Variants in PLA2G4C observed in about 807,000 individuals in gnomAD.
The protein encoded by PLA2G4C is phospholipase A2 group IVC, also known as cytosolic phospholipase A2 gamma.
Under a neutral mutation model 73.8 loss-of-function variants are expected in PLA2G4C, and 64 were observed. That is an observed-to-expected ratio of 0.87 (90% CI 0.71 to 1.07). The LOEUF is 1.07. PLA2G4C is among the 50% of genes least tolerant of loss of function. The pLI is 0.00. For synonymous variants in PLA2G4C, 254 were observed against 252.1 expected, an observed-to-expected ratio of 1.01 and a Z score of -0.07; for missense variants, 622 against 665.4, an observed-to-expected ratio of 0.93 and a Z score of 0.72.
intron 13 of PLA2G4C, among the ~76,000 whole-genome samples, chr19:48,067,236 C>T (rs981606208): frequency 9.9e-5 from 15 of 151,468 alleles, no homozygotes; most frequent in Middle Eastern, 3.4e-3. Flanking sequence ...GGGATGATCG[C>T]GGCTCACTGC....
chr19:48,095,156 A>C (rs1342367295), intron 7 of PLA2G4C, among the ~76,000 whole-genome samples: 2 of 152,208 alleles, frequency 1.3e-5, no homozygotes, highest in East Asian at 3.9e-4. Flanking sequence ...CCAAAGCACC[A>C]TGTAATCCCA....
chr19:48,068,328 G>C (rs548591928), intron 12 of PLA2G4C, among the ~76,000 whole-genome samples: 36,585 of 140,740 alleles, frequency 0.26, 5,384 homozygotes, highest in Non-Finnish European at 0.33. Context: ...AAAAAAAAGT[G>C]GGGGGGTCAT....
chr19:48,084,040 T>TTGTGTGTGTG (rs71181645), intron 10 of PLA2G4C, among the ~76,000 whole-genome samples: 6,418 of 139,132 alleles, frequency 0.046, 233 homozygotes, highest in East Asian at 0.14. Flanking sequence ...AATGCCAATT[T>TTGTGTGTGTG]TGTGTGTGTG....
At chr19:48,110,363 T>TAAATA (rs796485535) in intron 1 of PLA2G4C, 124 bp downstream of exon 1, 24 of 604,648 alleles carry the variant, frequency 4.0e-5, no homozygotes, top group South Asian at 3.0e-4. Flanking sequence ...AATAAATAAA[T>TAAATA]AAATAAAATA....
At position 48,099,685 on chromosome 19, in the gene PLA2G4C, T is replaced by A. The variant is rs374005017; in HGVS notation, c.433A>T (p.Lys145Ter). 3.7e-6 allele frequency: 6 copies of A among 1,613,482 alleles called. No individual in the cohort carries two copies. The East Asian group carries it at 1.3e-4, about 36-fold the overall frequency. ...TDFWAYMVIS[K>*]QTRELPESHL... ...GAATGACTTACTTCTCTGGTTTGCT[T>A]AGAGATAACCATGTAGGCCCAGAAG... The change falls in exon 5 of 17, where the codon AAG becomes TAG. Residue 145 changes from lysine (K) to a stop codon, truncating the protein, a stop_gained. Coordinates refer to ENST00000599921, the MANE Select transcript of PLA2G4C (RefSeq NM_003706.3). LOFTEE classifies it high-confidence loss of function.
At chr19:48,096,236 C>A (rs1348464310) in intron 6 of PLA2G4C, among the ~76,000 whole-genome samples, 1 of 152,130 alleles carries the variant, frequency 6.6e-6, no homozygotes, top group African/African-American at 2.4e-5. Flanking sequence ...ACGGAGTCAG[C>A]TGTATCTGCT....
At chr19:48,090,101 C>A in intron 8 of PLA2G4C, 1 of 449,986 alleles carries the variant, frequency 2.2e-6, no homozygotes, top group Non-Finnish European at 4.0e-6. Flanking sequence ...AGGCAGAAAC[C>A]GAGGCACAGA....
chr19:48,089,272 C>T (rs919090228), intron 8 of PLA2G4C, among the ~76,000 whole-genome samples: 1 of 152,034 alleles, frequency 6.6e-6, no homozygotes, highest in Non-Finnish European at 1.5e-5. Flanking sequence ...ACCAAAAATA[C>T]AAAAATTAGC....
At chr19:48,059,676 C>T (rs1968092650) in intron 14 of PLA2G4C, among the ~76,000 whole-genome samples, 1 of 151,988 alleles carries the variant, frequency 6.6e-6, no homozygotes, top group Non-Finnish European at 1.5e-5. Context: ...GTTTTTTGGC[C>T]TTTGGACCCT....
At chr19:48,052,541 G>A (rs1277834096) in intron 16 of PLA2G4C, among the ~76,000 whole-genome samples, 4 of 151,960 alleles carry the variant, frequency 2.6e-5, no homozygotes, top group East Asian at 3.9e-4. Context: ...TTAAGCCTTC[G>A]GAACTGTGAG....
At chr19:48,082,457 AAATT>A (rs1385073438) in intron 10 of PLA2G4C, among the ~76,000 whole-genome samples, 1 of 151,216 alleles carries the variant, frequency 6.6e-6, no homozygotes, top group Non-Finnish European at 1.5e-5. Flanking sequence ...GTCAATAAAT[AAATT>A]TTGTCTGCTT....
chr19:48,089,722 G>T (rs955939389), intron 8 of PLA2G4C, among the ~76,000 whole-genome samples: 5 of 152,296 alleles, frequency 3.3e-5, no homozygotes, highest in African/African-American at 1.2e-4. Context: ...TTTCCAGAGT[G>T]AGCAGTGCAG....
chr19:48,067,349 G>A (rs1376669062), intron 13 of PLA2G4C, among the ~76,000 whole-genome samples: 1 of 151,874 alleles, frequency 6.6e-6, no homozygotes, highest in East Asian at 1.9e-4. Flanking sequence ...TGTATTTTTA[G>A]TAGGGACAGG....
At chr19:48,092,304 C>T (rs554128556) in intron 7 of PLA2G4C, among the ~76,000 whole-genome samples, 2 of 152,212 alleles carry the variant, frequency 1.3e-5, no homozygotes, top group Non-Finnish European at 2.9e-5. Flanking sequence ...CCGCCTCGGC[C>T]TCCCAAAGTG....
rs113741395 is a variant in PLA2G4C, at chr19:48,072,078, A to G, written c.1006+2689T>C. 0.46 allele frequency among the ~76,000 whole-genome samples: 69,994 copies of G among 151,622 alleles called. 16,334 individuals are homozygous for G. The highest frequency in any genetic ancestry group is 0.48 in the African/African-American group (19,744 of 41,376). On this transcript the variant is annotated intron_variant, in intron 12 of 16. Coordinates refer to ENST00000599921, the MANE Select transcript of PLA2G4C (RefSeq NM_003706.3). This position sits in a 1 kb window ranked among gnomAD's most constrained non-coding sequence, Gnocchi z 4.4. ...GGAGAATCGCTTGAACCCGGGAGGC[A>G]GAGGTTGCAGTGAGCCAAGATTGCA...
intron 13 of PLA2G4C, among the ~76,000 whole-genome samples, chr19:48,063,490 T>C (rs1348044037): frequency 2.6e-5 from 4 of 152,170 alleles, no homozygotes; most frequent in African/African-American, 9.6e-5. Flanking sequence ...CTTGGTGATT[T>C]TGGGGTCCCG....
intron 11 of PLA2G4C, among the ~76,000 whole-genome samples, chr19:48,077,001 T>C (rs931529500): frequency 1.3e-5 from 2 of 152,218 alleles, no homozygotes; most frequent in Non-Finnish European, 2.9e-5. Flanking sequence ...TCTGATACTT[T>C]GTTCTTGTTC....
intron 10 of PLA2G4C, among the ~76,000 whole-genome samples, chr19:48,079,262 A>G (rs1332937737): frequency 6.6e-6 from 1 of 152,186 alleles, no homozygotes; most frequent in East Asian, 1.9e-4. Flanking sequence ...ACATTACCCA[A>G]TCAAATTATA....
rs139389281 is a variant in PLA2G4C at position 48,052,856 on chromosome 19, C to G, written c.1580+141G>C. 6.7e-5 allele frequency: 55 copies of G among 826,168 alleles called. No individual in the cohort carries two copies. In the African/African-American group the frequency reaches 8.5e-4, roughly 13 times the overall value. The allele number at this position is 826,168 out of a possible 1,614,324, so 51.2% of individuals were successfully genotyped here. A position where few individuals can be genotyped will look rare whatever the true frequency, so the allele number is the denominator to read the frequency against. On this transcript the variant is annotated intron_variant, in intron 16 of 16. Transcript: ENST00000599921. Reference sequence around the variant, plus strand: ...GACCCTGTTCATGGTCTGTCCCCTGCTGAGACGCAAGCTCAAGTAGGGGAG... The same window carrying G: ...GACCCTGTTCATGGTCTGTCCCCTGGTGAGACGCAAGCTCAAGTAGGGGAG...
Sources: allele counts gnomAD v4.1 joint callset (sites outside exome capture counted in the v4.1 genomes callset), GRCh38; gene constraint gnomAD v4.1.1; non-coding constraint Gnocchi (gnomAD v3.1); transcripts MANE v1.5; gene names NCBI Gene and HGNC (gene_info 2026-07-23, HGNC 2026-07-21).